Variants in NCAPG2 observed in about 807,000 individuals in gnomAD.
NCAPG2 encodes non-SMC condensin II complex subunit G2, also known as condensin-2 complex subunit G2.
NCAPG2 carries 53 observed loss-of-function variants against 141.1 expected under a neutral mutation model. The observed-to-expected ratio is 0.38, with a 90% CI of 0.30 to 0.47. The LOEUF (loss-of-function observed/expected upper bound fraction) is 0.47, where lower values mean the gene tolerates loss of function less well. Among genes scored for constraint, NCAPG2 ranks in the 20% least tolerant of loss-of-function variants. The pLI is 0.99. For missense variants in NCAPG2, 1,087 were observed against 1,389.0 expected, an observed-to-expected ratio of 0.78 and a Z score of 3.46; for synonymous variants, 499 against 490.7, an observed-to-expected ratio of 1.02 and a Z score of -0.22.
intron 9 of NCAPG2, among the ~76,000 whole-genome samples, chr7:158,681,293 T>C (rs1318642351): frequency 6.6e-6 from 1 of 152,194 alleles, no homozygotes; most frequent in Non-Finnish European, 1.5e-5. Flanking sequence ...CCCCTCACTG[T>C]ATGAGATTAA....
chr7:158,641,352 A>T, intron 27 of NCAPG2: 1 of 413,496 alleles, frequency 2.4e-6, no homozygotes, highest in East Asian at 3.5e-5. Context: ...GTCAGAGAAG[A>T]TCAAAAAACA....
chr7:158,690,190 CGAT>C (rs1835032138), intron 5 of NCAPG2, among the ~76,000 whole-genome samples: 1 of 152,046 alleles, frequency 6.6e-6, no homozygotes, highest in South Asian at 2.1e-4. Context: ...AGAACTTCCT[CGAT>C]GATGAAGATT....
chr7:158,655,093 T>C, intron 21 of NCAPG2, 25 bp downstream of exon 21: 2 of 1,567,430 alleles, frequency 1.3e-6, no homozygotes, highest in Non-Finnish European at 1.7e-6. Flanking sequence ...AAAGAGAAAG[T>C]TTTCTGTGTC....
At chr7:158,650,751 G>GTA in intron 24 of NCAPG2, 81 bp downstream of exon 24, 2 of 1,453,890 alleles carry the variant, frequency 1.4e-6, no homozygotes, top group Non-Finnish European at 1.8e-6. Flanking sequence ...TTTGAGAAAC[G>GTA]TAGAGAATGT....
intron 19 of NCAPG2, 62 bp from the exon 20 acceptor site, chr7:158,655,517 A>T (rs1831847669): frequency 7.3e-7 from 1 of 1,361,204 alleles, no homozygotes; most frequent in African/African-American, 1.4e-5. Flanking sequence ...CACCCCGTAC[A>T]GCAAGAACAA....
Position 158,658,344 on chromosome 7 carries a change from G to T in NCAPG2, c.2054C>A (p.Pro685Gln), listed in dbSNP as rs1292378389. Reference sequence around the variant, plus strand: ...CAAAAAACAGAGCAAATACCTGAATGGGGGGACAGCAGAGGCCGGCATAAA... The same window carrying T: ...CAAAAAACAGAGCAAATACCTGAATTGGGGGACAGCAGAGGCCGGCATAAA... Reference protein sequence around the residue: ...MSFMPASAVPPFSCGVISTLR... With the variant: ...MSFMPASAVPQFSCGVISTLR... The change falls in exon 17 of 28, where the codon CCA becomes CAA. Residue 685 changes from proline (P) to glutamine (Q), a missense_variant. Coordinates refer to ENST00000356309, the MANE Select transcript of NCAPG2 (RefSeq NM_017760.7). 1.2e-6 allele frequency: 2 copies of T among 1,609,964 alleles called. No homozygotes were observed. The highest frequency in any genetic ancestry group is 2.2e-5 in the East Asian group (1 of 44,830).
At chr7:158,637,048 T>C (rs10258535) in intron 27 of NCAPG2, among the ~76,000 whole-genome samples, 2,011 of 151,370 alleles carry the variant, frequency 0.013, 17 homozygotes, top group African/African-American at 0.03. Flanking sequence ...CCCGGGTTCA[T>C]GCCATTCTCC....
intron 22 of NCAPG2, among the ~76,000 whole-genome samples, chr7:158,652,890 T>G (rs762210844): frequency 2.6e-5 from 4 of 152,224 alleles, no homozygotes; most frequent in Non-Finnish European, 4.4e-5. Flanking sequence ...ACACTGGAGA[T>G]CTAGAATTCT....
chr7:158,649,569 C>T (rs559606322), intron 24 of NCAPG2, among the ~76,000 whole-genome samples: 2 of 152,268 alleles, frequency 1.3e-5, no homozygotes, highest in South Asian at 4.1e-4. Context: ...ATAAACAAAT[C>T]CTAGTTTTTA....
chr7:158,689,057 G>A (rs1448113889), intron 6 of NCAPG2, among the ~76,000 whole-genome samples: 5 of 152,150 alleles, frequency 3.3e-5, no homozygotes, highest in South Asian at 2.1e-4. Flanking sequence ...TGTAGTCGAC[G>A]CTCAGTAAAC....
chr7:158,640,955 G>A (rs1830601874), intron 27 of NCAPG2: 1 of 152,144 alleles, frequency 6.6e-6, no homozygotes, highest in Non-Finnish European at 1.5e-5. Context: ...GAGAGGCAAG[G>A]ATTAGGATTA....
chr7:158,691,708 C>T (rs1384339997), intron 4 of NCAPG2, among the ~76,000 whole-genome samples: 1 of 152,108 alleles, frequency 6.6e-6, no homozygotes, highest in Non-Finnish European at 1.5e-5. Flanking sequence ...ACTAGTTTTA[C>T]AGTTTTGTTA....
chr7:158,672,765 A>G (rs1833825436), intron 12 of NCAPG2, among the ~76,000 whole-genome samples: 2 of 152,050 alleles, frequency 1.3e-5, no homozygotes, highest in Non-Finnish European at 2.9e-5. Flanking sequence ...CCTCCTCTTG[A>G]TCCTGCCCTC....
chr7:158,648,641 A>G (rs552552925), intron 24 of NCAPG2, among the ~76,000 whole-genome samples: 1 of 73,122 alleles, frequency 1.4e-5, no homozygotes, highest in South Asian at 5.1e-4. Flanking sequence ...ATGGACCACA[A>G]CCACGCCAAA....
intron 24 of NCAPG2, among the ~76,000 whole-genome samples, chr7:158,647,564 T>C (rs34134078): frequency 1.3e-5 from 2 of 152,226 alleles, no homozygotes; most frequent in African/African-American, 4.8e-5. Context: ...TGGAAACTTA[T>C]GCCTTGGTTT....
chr7:158,641,360 A>G (rs1830632350), intron 27 of NCAPG2: 4 of 415,732 alleles, frequency 9.6e-6, no homozygotes, highest in Non-Finnish European at 1.7e-5. Flanking sequence ...AGATCAAAAA[A>G]CATGACCCAT....
chr7:158,667,041 C>G lies in NCAPG2; in HGVS notation c.1480-2291G>C. ...GACAATGCCCTCCCGTCAGCTCCAA[C>G]AGCTGTCCTCTGGCCAGCCAGACTG... On this transcript the variant is annotated intron_variant, in intron 13 of 27. Coordinates refer to ENST00000356309, the MANE Select transcript of NCAPG2 (RefSeq NM_017760.7). 3.8e-6 allele frequency: 3 copies of G among 788,412 alleles called. No homozygotes were observed. The South Asian group carries it at 1.7e-4, about 45-fold the overall frequency. The allele number at this position is 788,412 out of a possible 1,614,324, so 48.8% of individuals were successfully genotyped here.
intron 23 of NCAPG2, 106 bp from the exon 24 acceptor site, chr7:158,651,078 C>A: frequency 8.4e-7 from 1 of 1,194,790 alleles, no homozygotes; most frequent in South Asian, 1.7e-5. Context: ...CCCCAGGACT[C>A]AAGGAGTCAC....
At chr7:158,675,053 T>C (rs1833969432) in intron 12 of NCAPG2, among the ~76,000 whole-genome samples, 1 of 152,186 alleles carries the variant, frequency 6.6e-6, no homozygotes, top group Admixed American at 6.5e-5. Context: ...CTGAAGACAG[T>C]TCAGGTTGCT....
Sources: allele counts gnomAD v4.1 joint callset (sites outside exome capture counted in the v4.1 genomes callset), GRCh38; gene constraint gnomAD v4.1.1; transcripts MANE v1.5; gene names NCBI Gene and HGNC (gene_info 2026-07-23, HGNC 2026-07-21).